The following FNIP1 variants were observed in gnomAD, a reference collection of about 807,000 sequenced individuals.
FNIP1 encodes folliculin-interacting protein 1.
A neutral mutation model predicts 124.5 loss-of-function variants in FNIP1; 40 were observed. The observed-to-expected ratio is 0.32, with a 90% CI of 0.25 to 0.42. The LOEUF (loss-of-function observed/expected upper bound fraction) is 0.42. FNIP1 is among the 10% of genes least tolerant of loss of function. The pLI, the probability that FNIP1 is intolerant of heterozygous loss-of-function variation, is 1.00. For synonymous variants in FNIP1, 472 were observed against 470.6 expected, an observed-to-expected ratio of 1.00 and a Z score of -0.04; for missense variants, 1,176 against 1,403.7, an observed-to-expected ratio of 0.84 and a Z score of 2.59.
At chr5:131,676,580 A>T (rs1035107525) in intron 13 of FNIP1, among the ~76,000 whole-genome samples, 5 of 152,058 alleles carry the variant, frequency 3.3e-5, no homozygotes, top group African/African-American at 1.2e-4. Context: ...GGAACATGGC[A>T]AAACCCCATC....
At chr5:131,758,033 T>C (rs1771105194) in intron 1 of FNIP1, among the ~76,000 whole-genome samples, 1 of 152,178 alleles carries the variant, frequency 6.6e-6, no homozygotes, top group Non-Finnish European at 1.5e-5. Flanking sequence ...CTTTACCTTA[T>C]AATAGAAAGA....
intron 15 of FNIP1, among the ~76,000 whole-genome samples, chr5:131,654,311 T>C (rs1767129265): frequency 6.6e-6 from 1 of 152,274 alleles, no homozygotes; most frequent in South Asian, 2.1e-4. Flanking sequence ...CCAAATGGAA[T>C]AGCAGCAACA....
chr5:131,697,229 C>A (rs1768727008), intron 11 of FNIP1, among the ~76,000 whole-genome samples: 1 of 152,062 alleles, frequency 6.6e-6, no homozygotes, highest in Admixed American at 6.5e-5. Context: ...GGTACATAGA[C>A]TACTGGTAAT....
At chr5:131,709,082 A>G in intron 8 of FNIP1, 119 bp downstream of exon 8, 1 of 765,100 alleles carries the variant, frequency 1.3e-6, no homozygotes. Flanking sequence ...GTCTTTTCAC[A>G]GTTCTCTTGT....
At chr5:131,693,305 T>TATATATATAC (rs1768552112) in intron 11 of FNIP1, among the ~76,000 whole-genome samples, 7 of 29,804 alleles carry the variant, frequency 2.3e-4, no homozygotes, top group Non-Finnish European at 4.2e-4. Context: ...TACATATATA[T>TATATATATAC]ATATATATAT....
chr5:131,776,567 T>A (rs1020742478), intron 1 of FNIP1, among the ~76,000 whole-genome samples: 2 of 152,342 alleles, frequency 1.3e-5, no homozygotes, highest in Non-Finnish European at 1.5e-5. Flanking sequence ...AACTGCTACA[T>A]GTGGCAATAT....
chr5:131,664,338 A>C (rs1026579676), intron 15 of FNIP1, among the ~76,000 whole-genome samples: 1 of 152,218 alleles, frequency 6.6e-6, no homozygotes, highest in Non-Finnish European at 1.5e-5. Context: ...GTTTAATGTT[A>C]CTAATACACT....
At chr5:131,651,673 A>T in intron 16 of FNIP1, 129 bp downstream of exon 16, 1 of 792,304 alleles carries the variant, frequency 1.3e-6, no homozygotes, top group Non-Finnish European at 2.0e-6. Flanking sequence ...ACTGGGAATT[A>T]GGGCTTCAAT....
chr5:131,770,319 A>G (rs180894053), intron 1 of FNIP1, among the ~76,000 whole-genome samples: 2 of 152,308 alleles, frequency 1.3e-5, no homozygotes, highest in East Asian at 1.9e-4. Flanking sequence ...ATAAACCTCA[A>G]TAAGACTACC....
chr5:131,651,087 A>T (rs62790560), intron 16 of FNIP1, among the ~76,000 whole-genome samples: 4 of 123,478 alleles, frequency 3.2e-5, no homozygotes, highest in African/African-American at 7.9e-5. Flanking sequence ...TGGATGGATT[A>T]AAAAAAAAAA....
chr5:131,752,072 T>G (rs1192509142), intron 1 of FNIP1, among the ~76,000 whole-genome samples: 1 of 152,118 alleles, frequency 6.6e-6, no homozygotes, highest in Non-Finnish European at 1.5e-5. Context: ...AGACAAGAGT[T>G]TCGCTCTGTT....
intron 1 of FNIP1, among the ~76,000 whole-genome samples, chr5:131,751,410 C>T (rs555134403): frequency 6.6e-6 from 1 of 151,916 alleles, no homozygotes; most frequent in African/African-American, 2.4e-5. Flanking sequence ...TGTTCACATG[C>T]CTGTTTCTTC....
chr5:131,664,446 G>A (rs769612815), intron 15 of FNIP1, among the ~76,000 whole-genome samples: 70 of 151,988 alleles, frequency 4.6e-4, no homozygotes, highest in Middle Eastern at 3.4e-3. Flanking sequence ...GACCAGCCTG[G>A]ATAATACAGC....
chr5:131,790,766 T>G (rs150881990), intron 1 of FNIP1, among the ~76,000 whole-genome samples: 1 of 152,060 alleles, frequency 6.6e-6, no homozygotes, highest in African/African-American at 2.4e-5. Flanking sequence ...CTGGAGGAAG[T>G]AGTAATTAGA....
intron 11 of FNIP1, among the ~76,000 whole-genome samples, chr5:131,680,398 T>C (rs182075632): frequency 3.9e-4 from 59 of 152,352 alleles, no homozygotes; most frequent in Admixed American, 8.5e-4. Context: ...GTAGAACATA[T>C]AATCATTGCT....
chr5:131,649,097 T>C (rs561224854), intron 16 of FNIP1, among the ~76,000 whole-genome samples: 6 of 152,318 alleles, frequency 3.9e-5, no homozygotes, highest in South Asian at 2.1e-4. Context: ...CGTTTGGCGA[T>C]TGAGAATAAT....
intron 16 of FNIP1, among the ~76,000 whole-genome samples, chr5:131,649,446 T>C (rs1418132202): frequency 1.3e-5 from 2 of 152,210 alleles, no homozygotes; most frequent in African/African-American, 4.8e-5. Flanking sequence ...TTATTGGCCA[T>C]TTGTATATTT....
intron 1 of FNIP1, among the ~76,000 whole-genome samples, chr5:131,783,090 T>A (rs541950845): frequency 1.3e-5 from 2 of 152,290 alleles, no homozygotes; most frequent in Admixed American, 1.3e-4. Flanking sequence ...AACCAAAAAA[T>A]TTGTGTAGCT....
intron 11 of FNIP1, among the ~76,000 whole-genome samples, chr5:131,689,958 C>T (rs190571249): frequency 7.9e-5 from 12 of 152,238 alleles, no homozygotes; most frequent in East Asian, 1.9e-4. Context: ...CAGTGGCTCA[C>T]GCCTGTAATC....
Sources: gnomAD v4.1 joint callset for allele counts (sites outside exome capture counted in the v4.1 genomes callset) on GRCh38, gnomAD v4.1.1 for gene constraint, MANE v1.5 for transcripts, NCBI Gene and HGNC (gene_info 2026-07-23, HGNC 2026-07-21) for gene names.